Variants in ZNF26 observed in about 807,000 individuals in gnomAD.
The protein encoded by ZNF26 is zinc finger protein 26, also known as epididymis luminal protein 179.
A neutral mutation model predicts 54.9 loss-of-function variants in ZNF26; 32 were observed. The observed-to-expected ratio is 0.58, with a 90% CI of 0.44 to 0.78. ZNF26 has a LOEUF of 0.78. Ranked by LOEUF, ZNF26 falls within the 30% of genes least tolerant of loss-of-function variation. The pLI, the probability that ZNF26 is intolerant of heterozygous loss-of-function variation, is 0.00. For missense variants in ZNF26, 524 were observed against 634.0 expected, an observed-to-expected ratio of 0.83 and a Z score of 1.86; for synonymous variants, 221 against 209.2, an observed-to-expected ratio of 1.06 and a Z score of -0.49.
chr12:133,024,189 G>T lies in ZNF26; in HGVS notation c.*12708G>T, dbSNP rs1953675249. ...ACATGCATCACTGGCCTTGGCACTG[G>T]ATGATGAGCAGAATCTGAAAGGCCC... On this transcript the variant is annotated 3_prime_UTR_variant, in exon 4 of 4. Transcript: ENST00000328654. 6.6e-6 allele frequency: 1 copy of T among 152,254 alleles called. No homozygotes were observed. The highest frequency in any genetic ancestry group is 1.5e-5 in the Non-Finnish European group (1 of 68,060). 9.4% of individuals were successfully genotyped at this position (152,254 alleles called of 1,614,324 possible). A position where few individuals can be genotyped will look rare whatever the true frequency, so the allele number is the denominator to read the frequency against.
chr12:132,987,816 C>T lies in ZNF26; in HGVS notation c.33+943C>T. ...GGAAAGGACACACGGTGGAGAAAGG[C>T]TGTTGTGCTAAAGAAACGAGAGAAA... On this transcript the variant is annotated intron_variant, in intron 1 of 3. Transcript: ENST00000328654. 3.8e-6 allele frequency: 3 copies of T among 788,436 alleles called. No homozygotes were observed. In the South Asian group the frequency reaches 1.7e-4, roughly 45 times the overall value. The allele number at this position is 788,436 out of a possible 1,614,324, so 48.8% of individuals were successfully genotyped here.
chr12:133,002,498 A>G (rs1317653030), intron 1 of ZNF26, among the ~76,000 whole-genome samples: 1 of 152,092 alleles, frequency 6.6e-6, no homozygotes, highest in Non-Finnish European at 1.5e-5. Context: ...GGCTTCTCAC[A>G]GCGCTTGCAT....
Position 133,015,353 on chromosome 12 carries a change from CAAAAAAAAA to C in ZNF26, c.*3881_*3889del, listed in dbSNP as rs67278075. 1.0e-5 allele frequency: 1 copy of C among 98,442 alleles called. No individual in the cohort carries two copies. Among genetic ancestry groups the C allele is most frequent in the African/African-American group, 4.1e-5 (1 of 24,244 alleles). 6.1% of individuals were successfully genotyped at this position (98,442 alleles called of 1,614,324 possible). On this transcript the variant is annotated 3_prime_UTR_variant, in exon 4 of 4. Coordinates refer to ENST00000328654, the MANE Select transcript of ZNF26 (RefSeq NM_019591.4). Reference sequence around the variant, plus strand: ...TGGGTGACAGAGTGAGACTCTGTCTCAAAAAAAAAAAAAAAAAGAAAAGAAAATGACAAA... The same window carrying C: ...TGGGTGACAGAGTGAGACTCTGTCTCAAAAAAAAGAAAAGAAAATGACAAA...
intron 1 of ZNF26, among the ~76,000 whole-genome samples, chr12:133,004,013 TTTC>T (rs1953274218): frequency 6.6e-6 from 1 of 152,210 alleles, no homozygotes; most frequent in African/African-American, 2.4e-5. Flanking sequence ...ACCTGATATC[TTTC>T]TTCATTTCTT....
In ZNF26 at chr12:133,017,458, G is replaced by C. The variant is rs1409497109; in HGVS notation, c.*5977G>C. The C allele has an allele frequency of 6.6e-6, 1 of 152,140 alleles. No homozygotes were observed. The highest frequency in any genetic ancestry group is 1.5e-5 in the Non-Finnish European group (1 of 68,044). The allele number at this position is 152,140 out of a possible 1,614,324, so 9.4% of individuals were successfully genotyped here. ...GCACCGTCCTCCAAGATGCAGTCCT[G>C]GAATCACAGACTTTTATCTGGTAGT... On this transcript the variant is annotated 3_prime_UTR_variant, in exon 4 of 4. Coordinates refer to ENST00000328654, the MANE Select transcript of ZNF26 (RefSeq NM_019591.4).
rs766582348 is a variant in ZNF26, at chr12:133,002,967, G to A, written c.34-4075G>A. The stretch of plus-strand genomic sequence containing the variant: ...CCTAGCACCCCTGGCATGTTAGGTA[G>A]TCATGTGTTGGCTGAGTAACACCCA... On this transcript the variant is annotated intron_variant, in intron 1 of 3. Coordinates refer to ENST00000328654, the MANE Select transcript of ZNF26 (RefSeq NM_019591.4). Among the ~76,000 whole-genome samples, 733 of 152,202 alleles carry A rather than the reference G, an allele frequency of 4.8e-3. 3 individuals are homozygous for A. The highest frequency in any genetic ancestry group is 7.8e-3 in the Non-Finnish European group (528 of 68,010).
At chr12:133,003,798 C>A (rs1470339775) in intron 1 of ZNF26, among the ~76,000 whole-genome samples, 1 of 151,992 alleles carries the variant, frequency 6.6e-6, no homozygotes, top group Non-Finnish European at 1.5e-5. Context: ...GAATAATGCC[C>A]GAGTATTGAT....
At chr12:133,009,773 G>A (rs958831249) in intron 3 of ZNF26, among the ~76,000 whole-genome samples, 7 of 151,898 alleles carry the variant, frequency 4.6e-5, no homozygotes, top group Non-Finnish European at 7.4e-5. Flanking sequence ...GCGTGATCTC[G>A]GCTCACTGCA....
chr12:133,003,895 GTATA>G (rs757029822), intron 1 of ZNF26, among the ~76,000 whole-genome samples: 2,710 of 152,270 alleles, frequency 0.018, 80 homozygotes, highest in African/African-American at 0.061. Context: ...TACTTGGGAT[GTATA>G]AATAAGAAAT....
Position 133,018,065 on chromosome 12 carries a change from A to G in ZNF26, c.*6584A>G, listed in dbSNP as rs1953592093. 1 of 152,230 alleles carries G rather than the reference A, an allele frequency of 6.6e-6. No homozygotes were observed. Among genetic ancestry groups the G allele is most frequent in the East Asian group, 1.9e-4 (1 of 5,202 alleles). 9.4% of individuals were successfully genotyped at this position (152,230 alleles called of 1,614,324 possible). On this transcript the variant is annotated 3_prime_UTR_variant, in exon 4 of 4. Transcript: ENST00000328654. Reference sequence around the variant, plus strand: ...AACAATATGCAGTACTGTTTGGACTATAACATACAGAAGTGTAATATGTCT... The same window carrying G: ...AACAATATGCAGTACTGTTTGGACTGTAACATACAGAAGTGTAATATGTCT...
rs1301503630 is a variant in ZNF26, at chr12:132,986,491, GC to G, written c.-349del. 2 of 310,886 alleles carry G rather than the reference GC, an allele frequency of 6.4e-6. No individual in the cohort carries two copies. Among genetic ancestry groups the G allele is most frequent in the Non-Finnish European group, 1.2e-5 (2 of 164,544 alleles). The allele number at this position is 310,886 out of a possible 1,614,324, so 19.3% of individuals were successfully genotyped here. A position where few individuals can be genotyped will look rare whatever the true frequency, so the allele number is the denominator to read the frequency against. ...GGCCGCGGAGGCGCGGAGCTAAGCG[GC>G]TCGGATTATCCTGGGCAGACCAGAG... On this transcript the variant is annotated 5_prime_UTR_variant, in exon 1 of 4. Transcript: ENST00000328654.
At position 133,026,031 on chromosome 12, in the gene ZNF26, C is replaced by G. The variant is rs1953698737; in HGVS notation, c.*14550C>G. 1 of 152,222 alleles carries G rather than the reference C, an allele frequency of 6.6e-6. No individual in the cohort carries two copies. Among genetic ancestry groups the G allele is most frequent in the Non-Finnish European group, 1.5e-5 (1 of 68,090 alleles). The allele number at this position is 152,222 out of a possible 1,614,324, so 9.4% of individuals were successfully genotyped here. A position where few individuals can be genotyped will look rare whatever the true frequency, so the allele number is the denominator to read the frequency against. ...CATTCCAGCCCCTTCTGTTCTAGAT[C>G]TAGCCTTAGAAAAAGCTGCCTAGCT... is the stretch of plus-strand genomic sequence containing the variant. On this transcript the variant is annotated 3_prime_UTR_variant, in exon 4 of 4. Coordinates refer to ENST00000328654, the MANE Select transcript of ZNF26 (RefSeq NM_019591.4).
chr12:132,999,236 C>T (rs757267434), intron 1 of ZNF26, among the ~76,000 whole-genome samples: 2,428 of 152,230 alleles, frequency 0.016, 72 homozygotes, highest in African/African-American at 0.055. Context: ...TTATCTCAGC[C>T]GATTCTCTTA....
intron 1 of ZNF26, among the ~76,000 whole-genome samples, chr12:132,990,350 G>A (rs1022489667): frequency 3.9e-5 from 6 of 152,158 alleles, no homozygotes; most frequent in South Asian, 2.1e-4. Context: ...CATTTGATAC[G>A]ATGGAACTGA....
At chr12:133,003,319 A>G (rs2137242966) in intron 1 of ZNF26, among the ~76,000 whole-genome samples, 1 of 149,784 alleles carries the variant, frequency 6.7e-6, no homozygotes, top group South Asian at 2.1e-4. Flanking sequence ...CAGTGGCGCA[A>G]TCTCGGCACA....
At chr12:132,991,473 G>A (rs896892021) in intron 1 of ZNF26, among the ~76,000 whole-genome samples, 7 of 151,124 alleles carry the variant, frequency 4.6e-5, no homozygotes, top group Non-Finnish European at 7.4e-5. Flanking sequence ...ACTCCAGCCC[G>A]GGCGACAGAG....
intron 2 of ZNF26, 42 bp from the exon 3 acceptor site, chr12:133,007,395 C>G: frequency 6.4e-7 from 1 of 1,552,164 alleles, no homozygotes. Flanking sequence ...GGTCCTGTCC[C>G]TAACAGCCTG....
chr12:133,025,581 A>G lies in ZNF26; in HGVS notation c.*14100A>G, dbSNP rs1953693201. The G allele has an allele frequency of 1.3e-5, 2 of 151,888 alleles. No individual in the cohort carries two copies. 9.4% of individuals were successfully genotyped at this position (151,888 alleles called of 1,614,324 possible). A position where few individuals can be genotyped will look rare whatever the true frequency, so the allele number is the denominator to read the frequency against. On this transcript the variant is annotated 3_prime_UTR_variant, in exon 4 of 4. Transcript: ENST00000328654. ...GTGCCTGCTATATATTTCTCCCATG[A>G]GAGTTGAGGTCGACACCAGCTCCTT...
chr12:133,006,978 C>G, intron 1 of ZNF26, 64 bp from the exon 2 acceptor site: 2 of 1,586,002 alleles, frequency 1.3e-6, no homozygotes, highest in East Asian at 2.2e-5. Flanking sequence ...CCCAGTTCCT[C>G]TGCATCTTTT....
Sources: allele counts gnomAD v4.1 joint callset (sites outside exome capture counted in the v4.1 genomes callset), GRCh38; gene constraint gnomAD v4.1.1; transcripts MANE v1.5; gene names NCBI Gene and HGNC (gene_info 2026-07-23, HGNC 2026-07-21).